GABRA2: variants seen among roughly 807,000 people sequenced by gnomAD.
The protein encoded by GABRA2 is gamma-aminobutyric acid type A receptor subunit alpha2.
Under a neutral mutation model 48.7 loss-of-function variants are expected in GABRA2, and 16 were observed. The ratio of observed to expected loss-of-function variants is 0.33; its 90% confidence interval spans 0.22 to 0.50. The LOEUF (loss-of-function observed/expected upper bound fraction) is 0.50, where lower values mean the gene tolerates loss of function less well. Ranked by LOEUF, GABRA2 falls within the 20% of genes least tolerant of loss-of-function variation. The pLI is 0.98. For synonymous variants in GABRA2, 185 were observed against 184.5 expected, an observed-to-expected ratio of 1.00 and a Z score of -0.02; for missense variants, 275 against 535.6, an observed-to-expected ratio of 0.51 and a Z score of 4.80.
rs977813760 is a variant in GABRA2 at position 46,248,973 on chromosome 4, T to C, written c.*1335A>G. 1 of 151,246 alleles carries C rather than the reference T, an allele frequency of 6.6e-6. No individual in the cohort carries two copies. Among genetic ancestry groups the C allele is most frequent in the East Asian group, 2.0e-4 (1 of 5,114 alleles). 9.4% of individuals were successfully genotyped at this position (151,246 alleles called of 1,614,324 possible). On this transcript the variant is annotated 3_prime_UTR_variant, in exon 10 of 10. Coordinates refer to ENST00000381620, the MANE Select transcript of GABRA2 (RefSeq NM_000807.4). ...AAGATATTAAAAGAAAAATGAATTT[T>C]ACCCATTAATAACTAGTAATTATAT...
rs1553916278 is a variant in GABRA2, at chr4:46,330,591, TAG to T, written c.255+2022_255+2023del. ...ATATATATATATATATATATATATA[TAG>T]AGAGAGAGAGAGAGAGATGTTTTAG... On this transcript the variant is annotated intron_variant, in intron 4 of 9. Transcript: ENST00000381620. Among the ~76,000 whole-genome samples, 39 of 122,696 alleles carry T rather than the reference TAG, an allele frequency of 3.2e-4. 1 individual carries two copies. The East Asian group carries it at 0.01, about 33-fold the overall frequency. The allele number at this position is 122,696 out of a possible 152,430, so 80.5% of individuals were successfully genotyped here. A position where few individuals can be genotyped will look rare whatever the true frequency, so the allele number is the denominator to read the frequency against.
At chr4:46,369,008 T>C (rs1231374885) in intron 3 of GABRA2, 1 of 700,760 alleles carries the variant, frequency 1.4e-6, no homozygotes, top group African/African-American at 1.7e-5. Flanking sequence ...CTCTGGAAAC[T>C]GGGAAAGAAG....
At chr4:46,277,727 G>A (rs560539790) in intron 8 of GABRA2, among the ~76,000 whole-genome samples, 14 of 152,058 alleles carry the variant, frequency 9.2e-5, no homozygotes, top group African/African-American at 3.1e-4. Flanking sequence ...CACAGGGACC[G>A]GGCAGGAAAG....
intron 8 of GABRA2, among the ~76,000 whole-genome samples, chr4:46,279,932 T>A (rs1721204177): frequency 6.6e-6 from 1 of 152,074 alleles, no homozygotes; most frequent in East Asian, 1.9e-4. Flanking sequence ...ACTTATAGAT[T>A]GTATAAGTTT....
At chr4:46,377,745 C>G (rs1716047365) in intron 3 of GABRA2, among the ~76,000 whole-genome samples, 1 of 145,424 alleles carries the variant, frequency 6.9e-6, no homozygotes, top group South Asian at 2.2e-4. Flanking sequence ...GGGTCAGCCC[C>G]CCGCCCGGCC....
At chr4:46,332,319 C>T (rs188233271) in intron 4 of GABRA2, among the ~76,000 whole-genome samples, 102 of 152,070 alleles carry the variant, frequency 6.7e-4, no homozygotes, top group Non-Finnish European at 1.4e-3. Context: ...TGCCTTAATC[C>T]TCCTAGAAAA....
intron 8 of GABRA2, among the ~76,000 whole-genome samples, chr4:46,298,985 T>C (rs141256079): frequency 8.6e-5 from 13 of 151,300 alleles, no homozygotes; most frequent in African/African-American, 2.7e-4. Context: ...TCATATATTA[T>C]ACATATATTA....
chr4:46,266,088 T>C (rs1397265630), intron 8 of GABRA2, among the ~76,000 whole-genome samples: 3 of 151,878 alleles, frequency 2.0e-5, no homozygotes, highest in Admixed American at 6.6e-5. Flanking sequence ...TAATGCATTA[T>C]CTTCCTAGAG....
rs1000150554 is a variant in GABRA2, at chr4:46,279,037, A to G, written c.857-16909T>C. On this transcript the variant is annotated intron_variant, in intron 8 of 9. Transcript: ENST00000381620. ...GTATAATAAAGTGAATTATCAAAAC[A>G]GAAAGTGGTTTTGGGAACTCCCAGA... Among the ~76,000 whole-genome samples the G allele has an allele frequency of 4.6e-5, 7 of 152,046 alleles. No homozygotes were observed. The East Asian group carries it at 1.4e-3, about 29-fold the overall frequency.
At chr4:46,351,133 AC>A (rs1420696521) in intron 3 of GABRA2, among the ~76,000 whole-genome samples, 3 of 89,724 alleles carry the variant, frequency 3.3e-5, no homozygotes, top group Admixed American at 9.9e-5. Context: ...AAAAAGGAAG[AC>A]GGGGGGCTAT....
chr4:46,294,600 G>GA (rs1560489106), intron 8 of GABRA2, among the ~76,000 whole-genome samples: 1 of 152,168 alleles, frequency 6.6e-6, no homozygotes, highest in Non-Finnish European at 1.5e-5. Context: ...TGGGCCATAT[G>GA]ACCTAGCAGA....
chr4:46,290,014 C>A (rs1723314000), intron 8 of GABRA2, among the ~76,000 whole-genome samples: 1 of 150,828 alleles, frequency 6.6e-6, no homozygotes, highest in Non-Finnish European at 1.5e-5. Flanking sequence ...CGGGTTCACG[C>A]CATTCTCCTG....
chr4:46,277,564 T>A (rs1720740207), intron 8 of GABRA2, among the ~76,000 whole-genome samples: 1 of 152,206 alleles, frequency 6.6e-6, no homozygotes, highest in Non-Finnish European at 1.5e-5. Context: ...CGTCTAAGGC[T>A]GCCTCAACTC....
In GABRA2 at chr4:46,389,688, G is replaced by C. The variant is rs199791012; in HGVS notation, c.-11+47C>G. The stretch of plus-strand genomic sequence containing the variant: ...AGATGAGGCATGCACGCGAGGCAAA[G>C]ACAAACAGGAAAGTGTCTCTATCGG... On this transcript the variant is annotated intron_variant, in intron 1 of 9. Coordinates refer to ENST00000381620, the MANE Select transcript of GABRA2 (RefSeq NM_000807.4). 78 of 967,504 alleles carry C rather than the reference G, an allele frequency of 8.1e-5. No individual in the cohort carries two copies. In the African/African-American group the frequency reaches 1.2e-3, roughly 15 times the overall value. 59.9% of individuals were successfully genotyped at this position (967,504 alleles called of 1,614,324 possible). A position where few individuals can be genotyped will look rare whatever the true frequency, so the allele number is the denominator to read the frequency against.
chr4:46,252,476 T>C (rs1425965495), intron 9 of GABRA2, among the ~76,000 whole-genome samples: 1 of 144,304 alleles, frequency 6.9e-6, no homozygotes, highest in Non-Finnish European at 1.5e-5. Context: ...ATTAACCCCA[T>C]GATATAGGTT....
At chr4:46,356,437 GAA>G (rs35415258) in intron 3 of GABRA2, among the ~76,000 whole-genome samples, 1 of 139,668 alleles carries the variant, frequency 7.2e-6, no homozygotes. Context: ...AACTCACTAA[GAA>G]AAAAAAAAAA....
intron 8 of GABRA2, among the ~76,000 whole-genome samples, chr4:46,277,891 AT>A (rs1720803145): frequency 6.6e-6 from 1 of 152,166 alleles, no homozygotes; most frequent in South Asian, 2.1e-4. Flanking sequence ...TTCATTGCCT[AT>A]TTTTAATCAA....
At chr4:46,281,934 C>T (rs1212745361) in intron 8 of GABRA2, among the ~76,000 whole-genome samples, 1 of 152,066 alleles carries the variant, frequency 6.6e-6, no homozygotes, top group Non-Finnish European at 1.5e-5. Flanking sequence ...TGGAATAATG[C>T]TCTCAAGCAG....
intron 4 of GABRA2, among the ~76,000 whole-genome samples, chr4:46,321,592 A>G (rs1244687145): frequency 1.3e-5 from 2 of 152,130 alleles, no homozygotes; most frequent in Non-Finnish European, 2.9e-5. Flanking sequence ...CAAGTCGGGT[A>G]GATCAGGGTA....
Sources: allele counts gnomAD v4.1 joint callset (sites outside exome capture counted in the v4.1 genomes callset), GRCh38; gene constraint gnomAD v4.1.1; transcripts MANE v1.5; gene names NCBI Gene and HGNC (gene_info 2026-07-23, HGNC 2026-07-21).